FBXL18: variants seen among roughly 807,000 people sequenced by gnomAD.
FBXL18 encodes the protein F-box/LRR-repeat protein 18.
In FBXL18, 36 loss-of-function variants were observed where a neutral mutation model predicts 46.0. The observed-to-expected ratio is 0.78, with a 90% CI of 0.60 to 1.03. FBXL18 has a LOEUF of 1.03. Among genes scored for constraint, FBXL18 ranks in the 50% least tolerant of loss-of-function variants. FBXL18 has a pLI of 0.00. For synonymous variants in FBXL18, 557 were observed against 465.3 expected, an observed-to-expected ratio of 1.20 and a Z score of -2.54; for missense variants, 977 against 1,004.1, an observed-to-expected ratio of 0.97 and a Z score of 0.36.
intron 1 of FBXL18, among the ~76,000 whole-genome samples, chr7:5,510,014 G>C (rs754504607): frequency 5.3e-5 from 8 of 151,894 alleles, no homozygotes; most frequent in Non-Finnish European, 8.8e-5. Flanking sequence ...CAAAAACCAG[G>C]GTGCAGGAAG....
At chr7:5,456,732 G>A (rs1184421504) in intron 4 of FBXL18, among the ~76,000 whole-genome samples, 3 of 152,112 alleles carry the variant, frequency 2.0e-5, no homozygotes, top group Non-Finnish European at 4.4e-5. Context: ...GATGGCCCTG[G>A]GTGCTGAGAC....
chr7:5,465,226 G>A (rs1443011165), intron 4 of FBXL18, among the ~76,000 whole-genome samples: 2 of 151,698 alleles, frequency 1.3e-5, no homozygotes, highest in Middle Eastern at 3.4e-3. Flanking sequence ...TTTTTGAGAC[G>A]GTCGTGCTCT....
chr7:5,455,763 A>AAC lies in FBXL18; in HGVS notation c.2001-7922_2001-7921dup, dbSNP rs36071919. On this transcript the variant is annotated intron_variant and NMD_transcript_variant, in intron 4 of 6. Transcript: ENST00000415009. The surrounding 1 kb of genome is among the most constrained non-coding windows in gnomAD (Gnocchi z 4.6). ...CCCCCACCCCCACTACACACACACA[A>AAC]ACACACACACACACACACACACACC... is the stretch of plus-strand genomic sequence containing the variant. Among the ~76,000 whole-genome samples the AAC allele has an allele frequency of 0.1, 14,882 of 142,574 alleles. 1,894 individuals carry two copies. Among genetic ancestry groups the AAC allele is most frequent in the East Asian group, 0.52 (2,396 of 4,604 alleles). The allele number at this position is 142,574 out of a possible 152,430, so 93.5% of individuals were successfully genotyped here. A position where few individuals can be genotyped will look rare whatever the true frequency, so the allele number is the denominator to read the frequency against.
chr7:5,510,479 C>T (rs1245603343), intron 1 of FBXL18, among the ~76,000 whole-genome samples: 1 of 151,694 alleles, frequency 6.6e-6, no homozygotes, highest in African/African-American at 2.4e-5. Flanking sequence ...GTCAGGAGTT[C>T]GAGACCAGCC....
At chr7:5,487,233 G>A (rs1413848058) in intron 4 of FBXL18, among the ~76,000 whole-genome samples, 7 of 152,266 alleles carry the variant, frequency 4.6e-5, no homozygotes, top group African/African-American at 1.7e-4. Flanking sequence ...GACCGGGGCC[G>A]GCGTGGAGCC....
Position 5,500,994 on chromosome 7 carries a change from G to A in FBXL18, c.1275C>T (p.Val425=), listed in dbSNP as rs755580250. Residue 425 remains valine, a synonymous_variant, in exon 3 of 5, where the codon GTC becomes GTT. Transcript: ENST00000382368. ...LRSLSLPVCS[V]ADSAPRADRA... is the part of the protein sequence containing the mutation. ...GGTCGGCGCGCGGCGCGGAGTCAGC[G>A]ACAGAGCAGACAGGCAGGGAGAGGG... is the stretch of plus-strand genomic sequence containing the variant. 9 of 1,579,388 alleles carry A rather than the reference G, an allele frequency of 5.7e-6. No homozygotes were observed. The East Asian group carries it at 1.3e-4, about 24-fold the overall frequency.
At chr7:5,462,609 C>G (rs1233567359) in intron 4 of FBXL18, among the ~76,000 whole-genome samples, 1 of 152,038 alleles carries the variant, frequency 6.6e-6, no homozygotes, top group Non-Finnish European at 1.5e-5. Flanking sequence ...TCAGGAATCT[C>G]CACTCTCTTA....
At chr7:5,456,832 C>T (rs1489156673) in intron 4 of FBXL18, among the ~76,000 whole-genome samples, 3 of 152,126 alleles carry the variant, frequency 2.0e-5, no homozygotes, top group East Asian at 1.9e-4. Flanking sequence ...GGTGCAATCT[C>T]GGCTCACTGC....
intron 1 of FBXL18, among the ~76,000 whole-genome samples, chr7:5,509,049 C>T (rs574396316): frequency 1.3e-5 from 2 of 151,928 alleles, no homozygotes; most frequent in East Asian, 1.9e-4. Flanking sequence ...AAAACTTAGC[C>T]GGGTGTGGTG....
At chr7:5,508,710 C>T (rs1784455143) in intron 1 of FBXL18, among the ~76,000 whole-genome samples, 1 of 152,100 alleles carries the variant, frequency 6.6e-6, no homozygotes, top group Non-Finnish European at 1.5e-5. Context: ...CAGGGACAAC[C>T]TTTATCAGAA....
intron 1 of FBXL18, among the ~76,000 whole-genome samples, chr7:5,509,664 T>C (rs919621270): frequency 1.1e-4 from 15 of 140,172 alleles, no homozygotes; most frequent in Admixed American, 1.5e-4. Flanking sequence ...ATTGTGCCAC[T>C]GCACTCCAGC....
rs1784239591 is a variant in FBXL18 at position 5,501,156 on chromosome 7, G to C, written c.1113C>G (p.Asp371Glu). 1.2e-6 allele frequency: 2 copies of C among 1,613,162 alleles called. No individual in the cohort carries two copies. Among genetic ancestry groups the C allele is most frequent in the Non-Finnish European group, 1.7e-6 (2 of 1,179,866 alleles). Residue 371 changes from aspartate to glutamate, a missense_variant, in exon 3 of 5, where the codon GAC (aspartate) becomes GAG (glutamate). Coordinates refer to ENST00000382368, the MANE Select transcript of FBXL18 (RefSeq NM_024963.6). ...SLLRKAEDDIDSSILETLVAS... is the reference protein window; with the variant it reads ...SLLRKAEDDIESSILETLVAS... ...CCACCAGAGTCTCCAGGATGCTGCT[G>C]TCGATGTCGTCCTCCGCCTTGCGGA...
rs978061025 is a variant in FBXL18 at position 5,481,472 on chromosome 7, C to T, written c.*303G>A. 6.4e-5 allele frequency: 18 copies of T among 279,636 alleles called. No homozygotes were observed. Among genetic ancestry groups the T allele is most frequent in the Middle Eastern group, 2.5e-3 (2 of 810 alleles). The allele number at this position is 279,636 out of a possible 1,614,324, so 17.3% of individuals were successfully genotyped here. A position where few individuals can be genotyped will look rare whatever the true frequency, so the allele number is the denominator to read the frequency against. On this transcript the variant is annotated 3_prime_UTR_variant, in exon 5 of 5. Coordinates refer to ENST00000382368, the MANE Select transcript of FBXL18 (RefSeq NM_024963.6). ...CCGTGGACAGGGCCCCCAGGGATTG[C>T]GGCTCAGTATACAAACCCCCCAGCC...
At chr7:5,502,128 G>GCTCCACCGTGAGGGAAGCT in intron 2 of FBXL18, 97 bp from the exon 3 acceptor site, 1 of 865,940 alleles carries the variant, frequency 1.2e-6, no homozygotes, top group Non-Finnish European at 1.7e-6. Flanking sequence ...TGCAGCAGCT[G>GCTCCACCGTGAGGGAAGCT]CTCCACCGGG....
Position 5,509,645 on chromosome 7 carries a change from T to C in FBXL18, c.18+4012A>G, listed in dbSNP as rs553517186. On this transcript the variant is annotated intron_variant, in intron 1 of 4. Transcript: ENST00000382368. ...TGAACCTGGGAGGTGGAGTTTGCAG[T>C]GAGCTCAGATTGTGCCACTGCACTC... is the stretch of plus-strand genomic sequence containing the variant. Among the ~76,000 whole-genome samples the C allele has an allele frequency of 2.8e-5, 4 of 144,106 alleles. No homozygotes were observed. In the South Asian group the frequency reaches 8.5e-4, roughly 31 times the overall value. 94.5% of individuals were successfully genotyped at this position (144,106 alleles called of 152,430 possible).
chr7:5,497,468 C>A (rs990877749), intron 3 of FBXL18, among the ~76,000 whole-genome samples: 2 of 152,176 alleles, frequency 1.3e-5, no homozygotes, highest in East Asian at 3.9e-4. Context: ...TCTGCTCTGC[C>A]ATTTGAAAGT....
chr7:5,489,783 AAG>A (rs1783869122), intron 4 of FBXL18: 1 of 301,506 alleles, frequency 3.3e-6, no homozygotes, highest in African/African-American at 2.2e-5. Context: ...TGTCTCAAAA[AAG>A]AAAAAAAGAA....
intron 3 of FBXL18, among the ~76,000 whole-genome samples, chr7:5,497,874 G>A (rs1412030228): frequency 6.6e-6 from 1 of 151,974 alleles, no homozygotes; most frequent in East Asian, 1.9e-4. Flanking sequence ...AACTATTCTG[G>A]GGACAATGAC....
At chr7:5,492,465 C>T (rs1418984090) in intron 3 of FBXL18, among the ~76,000 whole-genome samples, 3 of 150,928 alleles carry the variant, frequency 2.0e-5, no homozygotes, top group African/African-American at 4.9e-5. Flanking sequence ...CAGGAACTCC[C>T]GGGGTGGGGG....
Sources: allele counts gnomAD v4.1 joint callset (sites outside exome capture counted in the v4.1 genomes callset), GRCh38; gene constraint gnomAD v4.1.1; non-coding constraint Gnocchi (gnomAD v3.1); transcripts MANE v1.5; gene names NCBI Gene and HGNC (gene_info 2026-07-23, HGNC 2026-07-21).